PDE8B: variants seen among roughly 807,000 people sequenced by gnomAD.
PDE8B encodes the protein high affinity cAMP-specific and IBMX-insensitive 3',5'-cyclic phosphodiesterase 8B.
Under a neutral mutation model 101.3 loss-of-function variants are expected in PDE8B, and 26 were observed. The observed-to-expected ratio is 0.26, with a 90% CI of 0.19 to 0.36. The LOEUF is 0.36. Ranked by LOEUF, PDE8B falls within the 10% of genes least tolerant of loss-of-function variation. The pLI, the probability that PDE8B is intolerant of heterozygous loss-of-function variation, is 1.00. For synonymous variants in PDE8B, 424 were observed against 429.3 expected, an observed-to-expected ratio of 0.99 and a Z score of 0.15; for missense variants, 810 against 1,163.1, an observed-to-expected ratio of 0.70 and a Z score of 4.42.
the PDE8B span, among the ~76,000 whole-genome samples, chr5:77,135,882 G>T: frequency 6.6e-6 from 1 of 152,056 alleles, no homozygotes; most frequent in Admixed American, 6.5e-5. Context: ...TGCTCAAAGT[G>T]CTGGGATAAC....
chr5:77,378,259 G>T lies in PDE8B; in HGVS notation c.1168-21989G>T, dbSNP rs184856110. Among the ~76,000 whole-genome samples the T allele has an allele frequency of 2.4e-3, 358 of 151,970 alleles. 2 individuals are homozygous for T. Among genetic ancestry groups the T allele is most frequent in the Non-Finnish European group, 3.6e-3 (244 of 67,944 alleles). On this transcript the variant is annotated intron_variant, in intron 10 of 21. Transcript: ENST00000264917. ...GTGGATCATGAGCTCAAGAGATCGAGACCATCCTGGCCAACATGGTGAAAC... is the reference window on the plus strand; with the variant it reads ...GTGGATCATGAGCTCAAGAGATCGATACCATCCTGGCCAACATGGTGAAAC...
the PDE8B span, among the ~76,000 whole-genome samples, chr5:77,154,163 T>C: frequency 5.3e-5 from 8 of 152,238 alleles, no homozygotes; most frequent in African/African-American, 1.9e-4. Flanking sequence ...TTCTGACTCA[T>C]TTCTGGTACT....
At chr5:77,133,743 T>G in the PDE8B span, among the ~76,000 whole-genome samples, 1 of 152,152 alleles carries the variant, frequency 6.6e-6, no homozygotes, top group African/African-American at 2.4e-5. Context: ...TGTGAGCTAG[T>G]TGTATTTAGC....
intron 10 of PDE8B, among the ~76,000 whole-genome samples, chr5:77,360,132 T>C (rs892256911): frequency 2.0e-5 from 3 of 151,532 alleles, no homozygotes; most frequent in Non-Finnish European, 4.4e-5. Flanking sequence ...GGTTTGGTAA[T>C]GGATAATGAA....
At chr5:77,170,940 A>T in the PDE8B span, among the ~76,000 whole-genome samples, 200 of 152,352 alleles carry the variant, frequency 1.3e-3, no homozygotes, top group Non-Finnish European at 2.5e-3. Flanking sequence ...ATCAGGGTAA[A>T]CAAAAAGATG....
the PDE8B span, among the ~76,000 whole-genome samples, chr5:77,109,182 C>T: frequency 6.6e-6 from 1 of 152,244 alleles, no homozygotes; most frequent in East Asian, 1.9e-4. Flanking sequence ...AGAGTCAGGA[C>T]TCTGCCCTGT....
chr5:77,280,174 A>G (rs1421709787), intron 1 of PDE8B, among the ~76,000 whole-genome samples: 1 of 152,226 alleles, frequency 6.6e-6, no homozygotes, highest in Non-Finnish European at 1.5e-5. Flanking sequence ...AGATAGGATC[A>G]TTCCCAAGGT....
At chr5:77,276,573 C>T (rs920909202) in intron 1 of PDE8B, among the ~76,000 whole-genome samples, 3 of 152,152 alleles carry the variant, frequency 2.0e-5, no homozygotes, top group African/African-American at 4.8e-5. Flanking sequence ...TTTCCTCATT[C>T]GTTCATGCCT....
chr5:77,410,826 C>A (rs917826993), intron 14 of PDE8B: 1 of 144,428 alleles, frequency 6.9e-6, no homozygotes, highest in Non-Finnish European at 1.5e-5. Context: ...ATAAGCATTT[C>A]TTTTTTTTTA....
At chr5:77,291,328 T>C in intron 1 of PDE8B, 2 of 1,612,668 alleles carry the variant, frequency 1.2e-6, no homozygotes, top group South Asian at 2.2e-5. Context: ...AGCATGTTTC[T>C]TGGAGCAGCG....
In PDE8B at chr5:77,421,804, G is replaced by T; in HGVS notation, c.2251-17G>T. On this transcript the variant is annotated splice_polypyrimidine_tract_variant and intron_variant, in intron 19 of 21. Transcript: ENST00000264917. Reference sequence around the variant, plus strand: ...CGTCATCTTGAACCAAGCCTGATCTGACCATCTGTTTTCCAGATTGAAGGC... The same window carrying T: ...CGTCATCTTGAACCAAGCCTGATCTTACCATCTGTTTTCCAGATTGAAGGC... The T allele has an allele frequency of 1.9e-6, 3 of 1,613,298 alleles. No homozygotes were observed. In the South Asian group the frequency reaches 3.3e-5, roughly 18 times the overall value.
chr5:77,308,109 G>A (rs530364970), intron 1 of PDE8B, among the ~76,000 whole-genome samples: 140 of 152,300 alleles, frequency 9.2e-4, no homozygotes, highest in African/African-American at 2.7e-3. Context: ...GCAAACTGCC[G>A]TCTGTGAATA....
At chr5:77,107,264 G>C in the PDE8B span, among the ~76,000 whole-genome samples, 3 of 152,110 alleles carry the variant, frequency 2.0e-5, no homozygotes, top group African/African-American at 7.2e-5. Flanking sequence ...GTATTCCTTG[G>C]TGTGTATGTG....
intron 8 of PDE8B, among the ~76,000 whole-genome samples, chr5:77,350,717 G>A (rs573300500): frequency 3.3e-5 from 5 of 152,288 alleles, no homozygotes; most frequent in African/African-American, 2.4e-5. Flanking sequence ...TGTAAATTTA[G>A]TATGATAATG....
At chr5:77,133,834 C>T in the PDE8B span, among the ~76,000 whole-genome samples, 1 of 152,218 alleles carries the variant, frequency 6.6e-6, no homozygotes, top group East Asian at 1.9e-4. Flanking sequence ...TGCAGGGAGC[C>T]CAAGAATTCT....
At chr5:77,341,311 T>C (rs1231407634) in intron 6 of PDE8B, among the ~76,000 whole-genome samples, 2 of 152,216 alleles carry the variant, frequency 1.3e-5, no homozygotes, top group African/African-American at 4.8e-5. Context: ...ATCCTTTCAT[T>C]TCAACTGTTG....
rs962613890 is a variant in PDE8B, at chr5:77,335,923, T to C, written c.709-1304T>C. ...TTCATTATTTCTCATTAAGTATTGA[T>C]GTGATCATGTCAGAGAAGTGCTCAA... On this transcript the variant is annotated intron_variant, in intron 5 of 21. Coordinates refer to ENST00000264917, the MANE Select transcript of PDE8B (RefSeq NM_003719.5). Among the ~76,000 whole-genome samples, 19 of 152,172 alleles carry C rather than the reference T, an allele frequency of 1.2e-4. No homozygotes were observed. The East Asian group carries it at 1.7e-3, about 14-fold the overall frequency.
At chr5:77,161,571 T>A in the PDE8B span, among the ~76,000 whole-genome samples, 2 of 152,284 alleles carry the variant, frequency 1.3e-5, no homozygotes, top group Admixed American at 1.3e-4. Context: ...TGAGTACAAA[T>A]CCTTTTGTGG....
the PDE8B span, among the ~76,000 whole-genome samples, chr5:77,162,148 G>C: frequency 6.6e-6 from 1 of 151,618 alleles, no homozygotes; most frequent in African/African-American, 2.4e-5. Flanking sequence ...CAAAAAATTG[G>C]AAAATAAAAA....
Sources: allele counts gnomAD v4.1 joint callset (sites outside exome capture counted in the v4.1 genomes callset), GRCh38; gene constraint gnomAD v4.1.1; transcripts MANE v1.5; gene names NCBI Gene and HGNC (gene_info 2026-07-23, HGNC 2026-07-21).